FTO: variants seen among roughly 807,000 people sequenced by gnomAD.
FTO encodes the protein alpha-ketoglutarate-dependent dioxygenase FTO.
FTO carries 47 observed loss-of-function variants against 63.9 expected under a neutral mutation model. The ratio of observed to expected loss-of-function variants is 0.74; its 90% confidence interval spans 0.58 to 0.94. The LOEUF is 0.94. Among genes scored for constraint, FTO ranks in the 40% least tolerant of loss-of-function variants. FTO has a pLI of 0.00. For missense variants in FTO, 562 were observed against 618.1 expected (o/e 0.91, Z 0.96); for synonymous variants, 207 against 224.4 (o/e 0.92, Z 0.69).
intron 4 of FTO, among the ~76,000 whole-genome samples, chr16:53,852,416 G>C (rs75020106): frequency 6.6e-6 from 1 of 152,152 alleles, no homozygotes; most frequent in East Asian, 1.9e-4. Flanking sequence ...CCAGTTTATA[G>C]ATACTTTCTC....
At position 54,035,511 on chromosome 16, in the gene FTO, A is replaced by G. The variant is rs76213749; in HGVS notation, c.1365-76251A>G. Among the ~76,000 whole-genome samples, 28 of 152,336 alleles carry G rather than the reference A, an allele frequency of 1.8e-4. No homozygotes were observed. The East Asian group carries it at 5.0e-3, about 27-fold the overall frequency. On this transcript the variant is annotated intron_variant, in intron 8 of 8. Coordinates refer to ENST00000471389, the MANE Select transcript of FTO (RefSeq NM_001080432.3). ...GTATTTTGAGGGGAGGAGAAGGGTT[A>G]AGAGGTCTAATCCATAACTCTAAAT... is the stretch of plus-strand genomic sequence containing the variant.
chr16:53,892,910 A>G (rs1197604515), intron 7 of FTO, among the ~76,000 whole-genome samples: 2 of 152,184 alleles, frequency 1.3e-5, no homozygotes, highest in East Asian at 3.9e-4. Context: ...TAATTGCTTC[A>G]CATGTCATAA....
At chr16:53,823,669 C>T (rs530618254) in intron 2 of FTO, among the ~76,000 whole-genome samples, 16 of 152,282 alleles carry the variant, frequency 1.1e-4, no homozygotes, top group African/African-American at 3.9e-4. Flanking sequence ...ATCCAGAAAT[C>T]TGGAATGTAT....
At chr16:54,080,018 A>G (rs1224559145) in intron 8 of FTO, among the ~76,000 whole-genome samples, 4 of 152,146 alleles carry the variant, frequency 2.6e-5, no homozygotes, top group Admixed American at 6.5e-5. Flanking sequence ...AACCTGTTCC[A>G]GTTGAATCTG....
intron 1 of FTO, among the ~76,000 whole-genome samples, chr16:53,802,621 C>T (rs2078256728): frequency 6.6e-6 from 1 of 152,122 alleles, no homozygotes; most frequent in South Asian, 2.1e-4. Context: ...AAATATTTGG[C>T]CACTTCTTTT....
intron 7 of FTO, among the ~76,000 whole-genome samples, chr16:53,902,687 G>A (rs1197440922): frequency 2.6e-5 from 4 of 152,156 alleles, no homozygotes; most frequent in East Asian, 1.9e-4. Flanking sequence ...TGGCTAGAGG[G>A]TGAGGTGCAT....
At chr16:53,780,354 T>C (rs1005723561) in intron 1 of FTO, among the ~76,000 whole-genome samples, 9 of 152,174 alleles carry the variant, frequency 5.9e-5, no homozygotes, top group Non-Finnish European at 1.3e-4. Context: ...ATTTGTGTCT[T>C]GCCTAAAATG....
At chr16:54,109,120 C>G (rs2086820476) in intron 8 of FTO, among the ~76,000 whole-genome samples, 1 of 152,118 alleles carries the variant, frequency 6.6e-6, no homozygotes, top group South Asian at 2.1e-4. Context: ...CTCTGCTGGC[C>G]CCTATTACTA....
chr16:53,988,333 G>A (rs2083721239), intron 8 of FTO, among the ~76,000 whole-genome samples: 1 of 152,148 alleles, frequency 6.6e-6, no homozygotes, highest in Non-Finnish European at 1.5e-5. Flanking sequence ...ATTGTTCAGT[G>A]CCAAGACAAT....
chr16:53,939,468 G>A (rs78395109), intron 8 of FTO, among the ~76,000 whole-genome samples: 24,173 of 152,128 alleles, frequency 0.16, 2,064 homozygotes, highest in African/African-American at 0.18. Context: ...ACGTAAAATT[G>A]CATATAACAA....
chr16:53,805,906 G>A (rs982668048), intron 1 of FTO, among the ~76,000 whole-genome samples: 5 of 152,196 alleles, frequency 3.3e-5, no homozygotes, highest in Non-Finnish European at 7.3e-5. Flanking sequence ...GCATTTGTGA[G>A]CAGCTTGATG....
At chr16:54,022,431 A>G (rs2084623214) in intron 8 of FTO, among the ~76,000 whole-genome samples, 1 of 152,088 alleles carries the variant, frequency 6.6e-6, no homozygotes, top group Non-Finnish European at 1.5e-5. Context: ...GGTTGCATTT[A>G]TATTTGGCTT....
intron 8 of FTO, among the ~76,000 whole-genome samples, chr16:54,085,254 A>C (rs983888401): frequency 6.6e-6 from 1 of 152,180 alleles, no homozygotes; most frequent in African/African-American, 2.4e-5. Flanking sequence ...CAGGCATGAC[A>C]ATTCCAATTA....
intron 1 of FTO, among the ~76,000 whole-genome samples, chr16:53,748,455 T>A (rs1339226707): frequency 6.6e-6 from 1 of 152,074 alleles, no homozygotes; most frequent in East Asian, 1.9e-4. Context: ...ATAGCTATTT[T>A]ATTTATTTAT....
chr16:53,941,802 G>A (rs2082535956), intron 8 of FTO, among the ~76,000 whole-genome samples: 1 of 152,174 alleles, frequency 6.6e-6, no homozygotes, highest in Admixed American at 6.5e-5. Context: ...TGAGCCGATT[G>A]CATCACTACA....
chr16:53,854,324 G>A (rs971697117), intron 4 of FTO, among the ~76,000 whole-genome samples: 2 of 151,874 alleles, frequency 1.3e-5, no homozygotes, highest in African/African-American at 4.8e-5. Context: ...AGTAGGTCCC[G>A]TTTATTTATT....
intron 8 of FTO, chr16:54,072,201 T>C (rs1031436709): frequency 1.3e-4 from 20 of 152,218 alleles, no homozygotes; most frequent in African/African-American, 4.6e-4. Context: ...TATCAATAGA[T>C]TGAAGACATC....
At chr16:53,856,424 G>A (rs945882400) in intron 4 of FTO, among the ~76,000 whole-genome samples, 1 of 151,702 alleles carries the variant, frequency 6.6e-6, no homozygotes, top group Admixed American at 6.6e-5. Context: ...ATCCGTGAAG[G>A]TGATAAGAGC....
chr16:53,875,633 A>C (rs1248228283), intron 5 of FTO, among the ~76,000 whole-genome samples: 8 of 152,248 alleles, frequency 5.3e-5, no homozygotes, highest in Admixed American at 4.6e-4. Flanking sequence ...GTACATAATA[A>C]AGCAAGAGAG....
Sources: allele counts gnomAD v4.1 joint callset (sites outside exome capture counted in the v4.1 genomes callset), GRCh38; gene constraint gnomAD v4.1.1; transcripts MANE v1.5; gene names NCBI Gene and HGNC (gene_info 2026-07-23, HGNC 2026-07-21).